Variants in CADPS2 observed in about 807,000 individuals in gnomAD.
CADPS2 encodes the protein calcium-dependent secretion activator 2.
CADPS2 carries 93 observed loss-of-function variants against 172.5 expected under a neutral mutation model. The ratio of observed to expected loss-of-function variants is 0.54; its 90% CI spans 0.46 to 0.64. The LOEUF (loss-of-function observed/expected upper bound fraction) is 0.64, where lower values mean the gene tolerates loss of function less well. Among genes scored for constraint, CADPS2 ranks in the 30% least tolerant of loss-of-function variants. CADPS2 has a pLI of 0.00. For missense variants in CADPS2, 1,420 were observed against 1,565.9 expected (o/e 0.91, Z 1.57); for synonymous variants, 546 against 555.2 (o/e 0.98, Z 0.23).
At chr7:122,495,832 T>C (rs190260100) in intron 9 of CADPS2, among the ~76,000 whole-genome samples, 2 of 152,266 alleles carry the variant, frequency 1.3e-5, no homozygotes, top group African/African-American at 4.8e-5. Context: ...AATCTTTTTA[T>C]TTTTTGCCAA....
intron 24 of CADPS2, among the ~76,000 whole-genome samples, chr7:122,385,087 A>C (rs1421814917): frequency 6.6e-6 from 1 of 152,088 alleles, no homozygotes; most frequent in Non-Finnish European, 1.5e-5. Context: ...TCAGGCAGAC[A>C]ATCAAAGGCT....
chr7:122,589,417 C>G (rs1457822157), intron 6 of CADPS2, among the ~76,000 whole-genome samples: 1 of 151,848 alleles, frequency 6.6e-6, no homozygotes, highest in Non-Finnish European at 1.5e-5. Flanking sequence ...AAATAGCTTT[C>G]TTCATTAATA....
At chr7:122,780,522 C>T (rs1002049703) in intron 1 of CADPS2, among the ~76,000 whole-genome samples, 7 of 152,088 alleles carry the variant, frequency 4.6e-5, no homozygotes, top group Non-Finnish European at 1.0e-4. Context: ...CCTGTCCCAT[C>T]AATAATCCGA....
intron 1 of CADPS2, among the ~76,000 whole-genome samples, chr7:122,739,357 T>A (rs1225629509): frequency 1.3e-5 from 2 of 152,234 alleles, no homozygotes. Context: ...AATTTTATTT[T>A]ATCAAAGATA....
chr7:122,472,537 CA>C (rs1323380904), intron 13 of CADPS2, among the ~76,000 whole-genome samples: 1 of 152,102 alleles, frequency 6.6e-6, no homozygotes, highest in African/African-American at 2.4e-5. Flanking sequence ...ACTTTCTAGG[CA>C]AATCACACTC....
chr7:122,712,117 T>C (rs1014058560), intron 2 of CADPS2, among the ~76,000 whole-genome samples: 3 of 152,148 alleles, frequency 2.0e-5, no homozygotes, highest in African/African-American at 7.2e-5. Flanking sequence ...CTATAATATC[T>C]TGTGATATTT....
intron 6 of CADPS2, among the ~76,000 whole-genome samples, chr7:122,613,967 C>T (rs1231155595): frequency 1.3e-5 from 2 of 151,940 alleles, no homozygotes; most frequent in African/African-American, 2.4e-5. Flanking sequence ...AGAAAATGTA[C>T]ACCTCCCACT....
intron 1 of CADPS2, among the ~76,000 whole-genome samples, chr7:122,811,962 G>C (rs1477104438): frequency 6.6e-6 from 1 of 151,604 alleles, no homozygotes; most frequent in African/African-American, 2.4e-5. Flanking sequence ...CTTATTTACT[G>C]TTCTCTTCCT....
intron 3 of CADPS2, among the ~76,000 whole-genome samples, chr7:122,645,527 A>ATATTTAGC (rs1563950833): frequency 1.6e-4 from 4 of 24,894 alleles, no homozygotes; most frequent in Admixed American, 1.6e-3. Flanking sequence ...TATATATATA[A>ATATTTAGC]GTATATATAT....
At chr7:122,750,182 G>T (rs980920268) in intron 1 of CADPS2, among the ~76,000 whole-genome samples, 3 of 152,084 alleles carry the variant, frequency 2.0e-5, no homozygotes, top group Admixed American at 6.6e-5. Context: ...TCAACAGTAT[G>T]CCATGGCCCT....
chr7:122,364,076 A>G (rs2040533101), intron 25 of CADPS2, among the ~76,000 whole-genome samples: 2 of 152,316 alleles, frequency 1.3e-5, no homozygotes, highest in South Asian at 4.1e-4. Context: ...ACAGAACTGT[A>G]AGAATTAAGT....
At chr7:122,555,159 A>G (rs768702289) in intron 7 of CADPS2, among the ~76,000 whole-genome samples, 19 of 152,134 alleles carry the variant, frequency 1.2e-4, no homozygotes, top group Non-Finnish European at 2.4e-4. Context: ...AAGGAAATCA[A>G]CTCAATTAGA....
chr7:122,471,575 A>T lies in CADPS2; in HGVS notation c.1999-13T>A. 3 of 1,548,334 alleles carry T rather than the reference A, an allele frequency of 1.9e-6. No individual in the cohort carries two copies. ...GGCTAAACCATCCCTGCAAAATAAA[A>T]AAAGAATAGATATACATGTTTTTTC... On this transcript the variant is annotated splice_polypyrimidine_tract_variant and intron_variant, in intron 13 of 29. Coordinates refer to ENST00000449022, the MANE Select transcript of CADPS2 (RefSeq NM_017954.11).
chr7:122,872,386 C>T (rs1030757270), intron 1 of CADPS2, among the ~76,000 whole-genome samples: 1 of 152,000 alleles, frequency 6.6e-6, no homozygotes, highest in African/African-American at 2.4e-5. Flanking sequence ...TTATAGGAAC[C>T]TTTGTTTTGT....
At chr7:122,527,615 A>T (rs2402614) in intron 8 of CADPS2, among the ~76,000 whole-genome samples, 243 of 94,306 alleles carry the variant, frequency 2.6e-3, no homozygotes, top group African/African-American at 3.2e-3. Context: ...AGAGAGAGAG[A>T]GAGTGTGTGT....
In CADPS2 at chr7:122,518,738, CCAGT is replaced by C. The variant is rs563162273; in HGVS notation, c.1476-5427_1476-5424del. On this transcript the variant is annotated intron_variant, in intron 8 of 29. Coordinates refer to ENST00000449022, the MANE Select transcript of CADPS2 (RefSeq NM_017954.11). The stretch of plus-strand genomic sequence containing the variant: ...GTATGTAAATGAGACCTGCCAAATA[CCAGT>C]CAAACTGGGAACACACATTTAACTG... 4.2e-3 allele frequency among the ~76,000 whole-genome samples: 636 copies of C among 151,990 alleles called. 6 individuals carry two copies. Among genetic ancestry groups the C allele is most frequent in the African/African-American group, 0.011 (476 of 41,472 alleles).
chr7:122,845,925 T>G (rs921636055), intron 1 of CADPS2, among the ~76,000 whole-genome samples: 1 of 152,164 alleles, frequency 6.6e-6, no homozygotes, highest in African/African-American at 2.4e-5. Context: ...GCGTTATGAT[T>G]GCTCGCCAAC....
intron 8 of CADPS2, among the ~76,000 whole-genome samples, chr7:122,540,669 G>T (rs1587001113): frequency 2.0e-5 from 3 of 152,070 alleles, no homozygotes; most frequent in African/African-American, 7.2e-5. Flanking sequence ...ACCTCTTCCT[G>T]ACAATTACCA....
intron 2 of CADPS2, among the ~76,000 whole-genome samples, chr7:122,664,673 A>T (rs1475960229): frequency 1.3e-5 from 2 of 152,198 alleles, no homozygotes; most frequent in African/African-American, 4.8e-5. Context: ...TTCTTGCTTT[A>T]TTCTTTCTAT....
Sources: gnomAD v4.1 joint callset for allele counts (sites outside exome capture counted in the v4.1 genomes callset) on GRCh38, gnomAD v4.1.1 for gene constraint, MANE v1.5 for transcripts, NCBI Gene and HGNC (gene_info 2026-07-23, HGNC 2026-07-21) for gene names.